The following PALM2AKAP2 variants were observed in gnomAD, a reference collection of about 807,000 sequenced individuals.
The protein encoded by PALM2AKAP2 is PALM2 and AKAP2 fusion, also known as PALM2-AKAP2 fusion protein.
In PALM2AKAP2, 37 loss-of-function variants were observed where a neutral mutation model predicts 71.5. The observed-to-expected ratio is 0.52, with a 90% CI of 0.40 to 0.68. The LOEUF is 0.68. PALM2AKAP2 is among the 30% of genes least tolerant of loss of function. The pLI, the probability that PALM2AKAP2 is intolerant of heterozygous loss-of-function variation, is 0.00. For synonymous variants in PALM2AKAP2, 468 were observed against 478.8 expected, an observed-to-expected ratio of 0.98 and a Z score of 0.29; for missense variants, 1,224 against 1,191.8, an observed-to-expected ratio of 1.03 and a Z score of -0.40.
chr9:110,079,748 T>G (rs1834402445), intron 1 of PALM2AKAP2, among the ~76,000 whole-genome samples: 1 of 152,154 alleles, frequency 6.6e-6, no homozygotes, highest in Non-Finnish European at 1.5e-5. Context: ...CTTTCTGTAC[T>G]TGTTGCCTAC....
intron 1 of PALM2AKAP2, among the ~76,000 whole-genome samples, chr9:109,756,028 C>G (rs1828958867): frequency 1.3e-5 from 2 of 152,124 alleles, no homozygotes; most frequent in Non-Finnish European, 2.9e-5. Context: ...GTTCCCATCT[C>G]TAGTTATGTT....
intron 1 of PALM2AKAP2, among the ~76,000 whole-genome samples, chr9:109,710,832 TG>T (rs1828223470): frequency 6.6e-6 from 1 of 152,176 alleles, no homozygotes; most frequent in African/African-American, 2.4e-5. Context: ...CAATGGTGTC[TG>T]CCATTGGCTC....
chr9:109,908,654 A>G (rs995278605), intron 3 of PALM2AKAP2, among the ~76,000 whole-genome samples: 5 of 152,194 alleles, frequency 3.3e-5, no homozygotes, highest in African/African-American at 1.2e-4. Context: ...TTTTTTTTCA[A>G]TGAATGACTC....
At chr9:109,877,159 T>A (rs989017216) in intron 2 of PALM2AKAP2, among the ~76,000 whole-genome samples, 4 of 152,102 alleles carry the variant, frequency 2.6e-5, no homozygotes, top group African/African-American at 7.2e-5. Context: ...TTCCAGGATG[T>A]CTATCCCCCA....
intron 7 of PALM2AKAP2, among the ~76,000 whole-genome samples, chr9:110,025,536 T>C (rs1190300134): frequency 2.0e-5 from 3 of 152,194 alleles, no homozygotes; most frequent in Non-Finnish European, 4.4e-5. Context: ...AGGTCTTCCT[T>C]TGTCTTGGGA....
rs1834954682 is a variant in PALM2AKAP2 at position 110,100,043 on chromosome 9, ATG to A, written c.157-36078_157-36077del. On this transcript the variant is annotated intron_variant, in intron 1 of 3. Transcript: ENST00000374525. ...GTGTCTTAAACATATATGCATATGTATGTGTGTCTATATATATATATATATAT... is the reference window on the plus strand; with the variant it reads ...GTGTCTTAAACATATATGCATATGTATGTGTCTATATATATATATATATAT... Among the ~76,000 whole-genome samples, 5 of 100,668 alleles carry A rather than the reference ATG, an allele frequency of 5.0e-5. No homozygotes were observed. In the South Asian group the frequency reaches 1.2e-3, roughly 25 times the overall value. 66.0% of individuals were successfully genotyped at this position (100,668 alleles called of 152,430 possible). A position where few individuals can be genotyped will look rare whatever the true frequency, so the allele number is the denominator to read the frequency against.
intron 6 of PALM2AKAP2, among the ~76,000 whole-genome samples, chr9:110,015,330 G>A (rs369308994): frequency 5.9e-5 from 9 of 152,324 alleles, no homozygotes; most frequent in Non-Finnish European, 1.0e-4. Flanking sequence ...GAACAGAAGG[G>A]TGGCTTACAC....
chr9:109,900,104 A>C (rs891018694), intron 3 of PALM2AKAP2, among the ~76,000 whole-genome samples: 3 of 152,256 alleles, frequency 2.0e-5, no homozygotes, highest in Non-Finnish European at 4.4e-5. Flanking sequence ...TACTCTGGAC[A>C]TAAATGCTTG....
At chr9:110,139,654 C>T (rs187647292) in intron 2 of PALM2AKAP2, among the ~76,000 whole-genome samples, 1 of 151,988 alleles carries the variant, frequency 6.6e-6, no homozygotes, top group East Asian at 1.9e-4. Flanking sequence ...TGACACTTGG[C>T]TTCCATCAAA....
At chr9:109,647,591 C>T (rs974129082) in intron 1 of PALM2AKAP2, among the ~76,000 whole-genome samples, 4 of 152,192 alleles carry the variant, frequency 2.6e-5, no homozygotes, top group Admixed American at 2.6e-4. Flanking sequence ...TTCCCCAAAT[C>T]CTTGACAACC....
chr9:109,904,862 A>G (rs1830411292), intron 3 of PALM2AKAP2, among the ~76,000 whole-genome samples: 1 of 152,234 alleles, frequency 6.6e-6, no homozygotes, highest in South Asian at 2.1e-4. Flanking sequence ...TAAAAGCATA[A>G]GTCTCTGGGT....
chr9:109,738,515 C>T (rs575554575), intron 1 of PALM2AKAP2, among the ~76,000 whole-genome samples: 10 of 152,262 alleles, frequency 6.6e-5, no homozygotes, highest in Admixed American at 2.0e-4. Flanking sequence ...AATATAAAAA[C>T]GTCTATTTCT....
intron 1 of PALM2AKAP2, among the ~76,000 whole-genome samples, chr9:109,717,253 C>G (rs1828338668): frequency 6.6e-6 from 1 of 152,112 alleles, no homozygotes; most frequent in South Asian, 2.1e-4. Flanking sequence ...CTCTAAGGAT[C>G]CTTCTAGGGA....
chr9:109,792,632 T>G (rs1827147174), intron 1 of PALM2AKAP2, among the ~76,000 whole-genome samples: 2 of 152,092 alleles, frequency 1.3e-5, no homozygotes, highest in Admixed American at 1.3e-4. Context: ...AAAAATCAGT[T>G]GAGGGTGGGA....
At chr9:110,046,168 CATTCATACTCTTGCATGG>C (rs1249669609), upstream of PALM2AKAP2, among the ~76,000 whole-genome samples, 2 of 152,144 alleles carry the variant, frequency 1.3e-5, no homozygotes, top group African/African-American at 4.8e-5. Flanking sequence ...TGCATGCAGC[CATTCATACTCTTGCATGG>C]ATTTCATTGA....
intron 1 of PALM2AKAP2, among the ~76,000 whole-genome samples, chr9:109,785,597 C>T (rs144601533): frequency 6.6e-6 from 1 of 152,336 alleles, no homozygotes; most frequent in East Asian, 1.9e-4. Flanking sequence ...AAAGGCACAT[C>T]TCACATGGCA....
At chr9:109,688,056 C>T (rs931108905) in intron 1 of PALM2AKAP2, among the ~76,000 whole-genome samples, 2 of 152,066 alleles carry the variant, frequency 1.3e-5, no homozygotes, top group Non-Finnish European at 2.9e-5. Context: ...TGTAGCACCC[C>T]GAAACAATTA....
chr9:110,059,824 G>A (rs753730), intron 1 of PALM2AKAP2, among the ~76,000 whole-genome samples: 2 of 152,220 alleles, frequency 1.3e-5, no homozygotes, highest in South Asian at 2.1e-4. Flanking sequence ...GAATGACTAG[G>A]GGGTGGAGAT....
At chr9:109,739,246 T>C (rs1382811896) in intron 1 of PALM2AKAP2, among the ~76,000 whole-genome samples, 3 of 152,184 alleles carry the variant, frequency 2.0e-5, no homozygotes, top group African/African-American at 7.2e-5. Flanking sequence ...CATCTAAGCA[T>C]TGAAATTTAT....
Sources: allele counts gnomAD v4.1 joint callset (sites outside exome capture counted in the v4.1 genomes callset), GRCh38; gene constraint gnomAD v4.1.1; transcripts MANE v1.5; gene names NCBI Gene and HGNC (gene_info 2026-07-23, HGNC 2026-07-21).